The following DNAH10 variants were observed in gnomAD, a reference collection of about 807,000 sequenced individuals.
DNAH10 encodes the protein axonemal beta dynein heavy chain 10.
DNAH10 carries 348 observed loss-of-function variants against 506.6 expected under a neutral mutation model. The ratio of observed to expected loss-of-function variants is 0.69; its 90% CI spans 0.63 to 0.75. The LOEUF (loss-of-function observed/expected upper bound fraction) is 0.75, where lower values mean the gene tolerates loss of function less well. DNAH10 is among the 30% of genes least tolerant of loss of function. The pLI is 0.00. For missense variants in DNAH10, 5,179 were observed against 5,787.1 expected, an observed-to-expected ratio of 0.89 and a Z score of 3.41; for synonymous variants, 2,059 against 2,198.6, an observed-to-expected ratio of 0.94 and a Z score of 1.78.
chr12:123,927,543 GCTTT>G (rs1299157263), intron 69 of DNAH10: 8 of 152,478 alleles, frequency 5.2e-5, no homozygotes, highest in Admixed American at 5.2e-4. Context: ...GAGCCAGTGA[GCTTT>G]CTTTGCTGAG....
chr12:123,786,588 G>A (rs758206612), intron 9 of DNAH10, among the ~76,000 whole-genome samples: 4 of 87,704 alleles, frequency 4.6e-5, no homozygotes, highest in Non-Finnish European at 7.1e-5. Context: ...CATCCACATC[G>A]TAGTATGGAT....
In DNAH10 at chr12:123,914,409, G is replaced by A. The variant is rs1954369826; in HGVS notation, c.10433G>A (p.Ser3478Asn). ...GDCLLCAAFLSYEGAFTWEFR... is the reference protein window; with the variant it reads ...GDCLLCAAFLNYEGAFTWEFR... ...TGCCTGCTCTGCGCGGCTTTCCTCA[G>A]CTACGAGGGAGCCTTCACCTGGGAG... is the stretch of plus-strand genomic sequence containing the variant. Residue 3478 changes from serine to asparagine, a missense_variant, in exon 61 of 79, where the codon AGC becomes AAC. By Grantham distance (46) the Ser-to-Asn change is conservative. Coordinates refer to ENST00000673944, the MANE Select transcript of DNAH10 (RefSeq NM_001372106.1). The A allele has an allele frequency of 6.2e-7, 1 of 1,613,586 alleles. No individual in the cohort carries two copies. The highest frequency in any genetic ancestry group is 1.3e-5 in the African/African-American group (1 of 74,940).
chr12:123,873,174 T>C (rs1952104293), intron 45 of DNAH10, among the ~76,000 whole-genome samples: 1 of 152,240 alleles, frequency 6.6e-6, no homozygotes, highest in African/African-American at 2.4e-5. Context: ...ATGCAATAGC[T>C]CTATGAAGTA....
At position 123,867,997 on chromosome 12, in the gene DNAH10, G is replaced by C; in HGVS notation, c.7397G>C (p.Cys2466Ser). 3 of 1,613,882 alleles carry C rather than the reference G, an allele frequency of 1.9e-6. No homozygotes were observed. The highest frequency in any genetic ancestry group is 2.5e-6 in the Non-Finnish European group (3 of 1,179,864). ...TGCTACTTCCTGGAGGCTTTGTACTGCTCTCTGGGAGCCTCCCTGCTTGAG... is the reference window on the plus strand; with the variant it reads ...TGCTACTTCCTGGAGGCTTTGTACTCCTCTCTGGGAGCCTCCCTGCTTGAG... ...LECYFLEALY[C>S]SLGASLLEDG... The change falls in exon 43 of 79, where the codon TGC (cysteine) becomes TCC (serine). Residue 2466 changes from cysteine (C) to serine (S), a missense_variant. By Grantham distance (112) the Cys-to-Ser change is moderately radical. Coordinates refer to ENST00000673944, the MANE Select transcript of DNAH10 (RefSeq NM_001372106.1).
chr12:123,829,485 C>T (rs1446031061), intron 25 of DNAH10, among the ~76,000 whole-genome samples: 1 of 152,100 alleles, frequency 6.6e-6, no homozygotes, highest in African/African-American at 2.4e-5. Context: ...TCCATAGTAG[C>T]CAGTGAAGGT....
rs372411823 is a variant in DNAH10 at position 123,790,141 on chromosome 12, A to T, written c.1815+20A>T. On this transcript the variant is annotated intron_variant, in intron 11 of 78. Transcript: ENST00000673944. ...GTTCTGGCAAGTGACACGTCCATTGAGTCCATCTTGGGAGTCGACACCATG... is the reference window on the plus strand; with the variant it reads ...GTTCTGGCAAGTGACACGTCCATTGTGTCCATCTTGGGAGTCGACACCATG... 1.6e-5 allele frequency: 25 copies of T among 1,611,800 alleles called. 1 individual carries two copies. Among genetic ancestry groups the T allele is most frequent in the Middle Eastern group, 1.6e-4 (1 of 6,078 alleles).
rs1350662953 is a variant in DNAH10, at chr12:123,928,908, TC to T, written c.12306+322del. 2.2e-6 allele frequency: 1 copy of T among 464,762 alleles called. No individual in the cohort carries two copies. Among genetic ancestry groups the T allele is most frequent in the East Asian group, 3.7e-5 (1 of 27,312 alleles). The allele number at this position is 464,762 out of a possible 1,614,324, so 28.8% of individuals were successfully genotyped here. A position where few individuals can be genotyped will look rare whatever the true frequency, so the allele number is the denominator to read the frequency against. On this transcript the variant is annotated intron_variant, in intron 70 of 78. Coordinates refer to ENST00000673944, the MANE Select transcript of DNAH10 (RefSeq NM_001372106.1). The surrounding 1 kb of genome is among the most constrained non-coding windows in gnomAD (Gnocchi z 4.9). ...TTCGCTAGTGCTGACTGCAGGAGTT[TC>T]GCGTGGTTTACATGCCCCATTTAAT...
At chr12:123,901,749 C>T (rs1953531648) in intron 56 of DNAH10, among the ~76,000 whole-genome samples, 1 of 152,156 alleles carries the variant, frequency 6.6e-6, no homozygotes, top group African/African-American at 2.4e-5. Flanking sequence ...CAACCTCTGC[C>T]TCCTGGGTTT....
intron 36 of DNAH10, among the ~76,000 whole-genome samples, chr12:123,855,143 G>T (rs1054118627): frequency 2.0e-5 from 3 of 152,118 alleles, no homozygotes; most frequent in African/African-American, 7.2e-5. Flanking sequence ...TTGAGTCTGG[G>T]AGGCAGAACA....
chr12:123,801,572 G>A (rs1370778664), intron 16 of DNAH10, 140 bp downstream of exon 16: 5 of 1,024,872 alleles, frequency 4.9e-6, no homozygotes, highest in East Asian at 2.7e-5. Context: ...ACAAGTTGCG[G>A]AACTTAGAAC....
chr12:123,781,107 C>G lies in DNAH10; in HGVS notation c.649C>G (p.Gln217Glu). The change falls in exon 6 of 79, where the codon CAG becomes GAG. Residue 217 changes from glutamine to glutamate, a missense_variant. Around this residue, in one of 3 missense-constraint regions of DNAH10, gnomAD observed 326 missense variants for 330.8 expected, o/e 0.99. Transcript: ENST00000673944. ...QVFLPALSFN[Q>E]HRTSTTVGVT... The stretch of plus-strand genomic sequence containing the variant: ...TTTTTTGCCAGCATTGTCCTTCAAT[C>G]AGCACAGGACGAGTACAACCGTGGG... 1 of 1,607,822 alleles carries G rather than the reference C, an allele frequency of 6.2e-7. No individual in the cohort carries two copies. Among genetic ancestry groups the G allele is most frequent in the East Asian group, 2.2e-5 (1 of 44,750 alleles).
At position 123,875,211 on chromosome 12, in the gene DNAH10, CT is replaced by C. The variant is rs1310597773; in HGVS notation, c.7939-14del. The C allele has an allele frequency of 6.3e-7, 1 of 1,591,346 alleles. No homozygotes were observed. The highest frequency in any genetic ancestry group is 1.1e-5 in the South Asian group (1 of 88,034). On this transcript the variant is annotated intron_variant, in intron 46 of 78. Transcript: ENST00000673944. ...CTTTGCGATACTACTGTTCTCTTTT[CT>C]TTTTTAAAAAAAATCAAGGTGGATG...
chr12:123,800,960 T>A (rs1189928418), intron 15 of DNAH10, among the ~76,000 whole-genome samples: 3 of 151,354 alleles, frequency 2.0e-5, no homozygotes, highest in Non-Finnish European at 2.9e-5. Context: ...GAGGTTGCAG[T>A]GAGCCGAGAT....
chr12:123,789,302 A>G (rs1038550324), intron 10 of DNAH10, among the ~76,000 whole-genome samples: 6 of 152,046 alleles, frequency 3.9e-5, no homozygotes, highest in Non-Finnish European at 7.4e-5. Context: ...TAGTGTGTGC[A>G]TGGGTATTTC....
chr12:123,772,987 G>C (rs746956932), intron 4 of DNAH10, 45 bp downstream of exon 4: 37 of 1,316,710 alleles, frequency 2.8e-5, no homozygotes, highest in Non-Finnish European at 3.9e-5. Flanking sequence ...GAGGGGGTGT[G>C]GTTGTGCATG....
chr12:123,898,257 C>G (rs1237756448), intron 55 of DNAH10, among the ~76,000 whole-genome samples: 1 of 152,208 alleles, frequency 6.6e-6, no homozygotes, highest in African/African-American at 2.4e-5. Flanking sequence ...GTTTCCCAGG[C>G]TGGAGTGCAG....
intron 54 of DNAH10, among the ~76,000 whole-genome samples, chr12:123,894,945 T>A (rs144021700): frequency 1.4e-4 from 21 of 152,338 alleles, no homozygotes; most frequent in African/African-American, 4.8e-4. Flanking sequence ...AAAAATTGAT[T>A]AGGTGTTCTC....
Position 123,859,180 on chromosome 12 carries a change from A to G in DNAH10, c.6661A>G (p.Met2221Val). ...TAAAGTGGTTCAAATGTTCGAGACC[A>G]TGTTAACCCGCCACACGACGATGGT... The part of the protein sequence containing the change: ...VDKVVQMFET[M>V]LTRHTTMVVG... Residue 2221 changes from methionine to valine, a missense_variant, in exon 38 of 79, where the codon ATG (methionine) becomes GTG (valine). Around this residue, in one of 3 missense-constraint regions of DNAH10, gnomAD observed 4,844 missense variants for 5,430.5 expected, o/e 0.89. Coordinates refer to ENST00000673944, the MANE Select transcript of DNAH10 (RefSeq NM_001372106.1). The G allele has an allele frequency of 6.2e-7, 1 of 1,611,906 alleles. No homozygotes were observed. The highest frequency in any genetic ancestry group is 8.5e-7 in the Non-Finnish European group (1 of 1,179,248).
chr12:123,815,853 C>T (rs1257590117), intron 21 of DNAH10, among the ~76,000 whole-genome samples: 1 of 152,298 alleles, frequency 6.6e-6, no homozygotes, highest in East Asian at 1.9e-4. Context: ...TCCTGTCCAG[C>T]ATGTACTGTA....
Sources: gnomAD v4.1 joint callset for allele counts (sites outside exome capture counted in the v4.1 genomes callset) on GRCh38, gnomAD v4.1.1 for gene constraint, gnomAD v4.1.1 regional missense constraint, Gnocchi (gnomAD v3.1) non-coding constraint, MANE v1.5 for transcripts, NCBI Gene and HGNC (gene_info 2026-07-23, HGNC 2026-07-21) for gene names.